Variants in ANTXR1 observed in about 807,000 individuals in gnomAD.
ANTXR1 encodes ANTXR cell adhesion molecule 1, also known as anthrax toxin receptor 1.
A neutral mutation model predicts 78.1 loss-of-function variants in ANTXR1; 19 were observed. The ratio of observed to expected loss-of-function variants is 0.24; its 90% CI spans 0.17 to 0.36. The LOEUF is 0.36. Among genes scored for constraint, ANTXR1 ranks in the 10% least tolerant of loss-of-function variants. ANTXR1 has a pLI of 1.00. For synonymous variants in ANTXR1, 273 were observed against 260.5 expected (o/e 1.05, Z -0.46); for missense variants, 518 against 718.6 (o/e 0.72, Z 3.19).
intron 1 of ANTXR1, among the ~76,000 whole-genome samples, chr2:69,017,909 C>A (rs1021468412): frequency 3.3e-5 from 5 of 152,170 alleles, no homozygotes; most frequent in East Asian, 1.9e-4. Context: ...AGCACCCCCC[C>A]ACCCTCTCTT....
At chr2:69,051,439 TTTTGA>T (rs1239931325) in intron 3 of ANTXR1, among the ~76,000 whole-genome samples, 1 of 152,128 alleles carries the variant, frequency 6.6e-6, no homozygotes, top group East Asian at 1.9e-4. Flanking sequence ...TATTTACTAT[TTTTGA>T]TTTAAGATGA....
chr2:69,069,462 C>A (rs1464513111), intron 3 of ANTXR1, among the ~76,000 whole-genome samples: 1 of 152,186 alleles, frequency 6.6e-6, no homozygotes, highest in Admixed American at 6.5e-5. Context: ...GAGCCTGGCA[C>A]CATAAGTTCT....
intron 16 of ANTXR1, among the ~76,000 whole-genome samples, chr2:69,192,921 T>C (rs1674574490): frequency 7.0e-6 from 1 of 143,290 alleles, no homozygotes; most frequent in Non-Finnish European, 1.5e-5. Context: ...TTAGTAATTT[T>C]CCAGAATTTA....
chr2:69,229,302 G>C (rs1281760487), intron 17 of ANTXR1, among the ~76,000 whole-genome samples: 1 of 152,180 alleles, frequency 6.6e-6, no homozygotes, highest in Non-Finnish European at 1.5e-5. Context: ...AAAAGGTGTT[G>C]ACAGCTACTG....
chr2:69,117,940 C>T (rs1672204554), intron 10 of ANTXR1, among the ~76,000 whole-genome samples: 1 of 152,172 alleles, frequency 6.6e-6, no homozygotes, highest in African/African-American at 2.4e-5. Flanking sequence ...GGGCGTTTAG[C>T]ACTCTGAGAT....
chr2:69,226,559 A>G (rs1273260996), intron 17 of ANTXR1, among the ~76,000 whole-genome samples: 2 of 152,326 alleles, frequency 1.3e-5, no homozygotes, highest in Middle Eastern at 3.4e-3. Flanking sequence ...AAGCAGTGAG[A>G]GGAGGCTGAG....
intron 16 of ANTXR1, among the ~76,000 whole-genome samples, chr2:69,186,869 G>A (rs141999062): frequency 1.3e-5 from 2 of 152,314 alleles, no homozygotes; most frequent in East Asian, 3.9e-4. Context: ...AGGCTTCCAA[G>A]GCATGGAGAA....
rs1676017330 is a variant in ANTXR1, at chr2:69,246,189, AAT to A, written c.*706_*707del. 1.3e-5 allele frequency: 2 copies of A among 152,456 alleles called. No homozygotes were observed. The highest frequency in any genetic ancestry group is 6.5e-5 in the Admixed American group (1 of 15,286). 9.4% of individuals were successfully genotyped at this position (152,456 alleles called of 1,614,324 possible). A position where few individuals can be genotyped will look rare whatever the true frequency, so the allele number is the denominator to read the frequency against. On this transcript the variant is annotated 3_prime_UTR_variant, in exon 18 of 18. Coordinates refer to ENST00000303714, the MANE Select transcript of ANTXR1 (RefSeq NM_032208.3). ...TGTGTAAGTGAAATCAGTTGTGTGC[AAT>A]AGACAGGGGCGTATTCATGGGAGCA...
At chr2:69,223,774 T>C (rs1300709121) in intron 17 of ANTXR1, among the ~76,000 whole-genome samples, 1 of 152,216 alleles carries the variant, frequency 6.6e-6, no homozygotes, top group Non-Finnish European at 1.5e-5. Context: ...AGAGAAAGAA[T>C]ATCAGAAAAT....
chr2:69,070,932 C>T (rs1005170947), intron 4 of ANTXR1, among the ~76,000 whole-genome samples: 5 of 152,198 alleles, frequency 3.3e-5, no homozygotes, highest in Non-Finnish European at 4.4e-5. Context: ...TCTTCCCTGA[C>T]CCTGATGAAT....
chr2:69,201,125 A>C (rs1403441263), intron 17 of ANTXR1, among the ~76,000 whole-genome samples: 3 of 152,210 alleles, frequency 2.0e-5, no homozygotes, highest in Non-Finnish European at 1.5e-5. Context: ...ACAAACAGGA[A>C]GCTCCCAAAC....
At chr2:69,216,323 A>G (rs1675173226) in intron 17 of ANTXR1, among the ~76,000 whole-genome samples, 1 of 152,134 alleles carries the variant, frequency 6.6e-6, no homozygotes, top group Non-Finnish European at 1.5e-5. Flanking sequence ...CTGGTTCTAG[A>G]TAGGTGGTTT....
chr2:69,182,738 A>T, intron 16 of ANTXR1, 78 bp downstream of exon 16: 1 of 1,596,524 alleles, frequency 6.3e-7, no homozygotes, highest in Admixed American at 1.7e-5. Flanking sequence ...ATCTTTCCAC[A>T]TGATAAAATC....
At chr2:69,186,481 G>A (rs146819527) in intron 16 of ANTXR1, among the ~76,000 whole-genome samples, 11 of 152,310 alleles carry the variant, frequency 7.2e-5, no homozygotes, top group Admixed American at 4.6e-4. Flanking sequence ...CGAACTCACC[G>A]TGGTCCTAAT....
chr2:69,172,587 C>A, intron 14 of ANTXR1: 1 of 1,259,148 alleles, frequency 7.9e-7, no homozygotes, highest in Non-Finnish European at 1.0e-6. Context: ...TGAAGACCTT[C>A]AGTATTATTT....
At chr2:69,206,478 C>T (rs1674906754) in intron 17 of ANTXR1, among the ~76,000 whole-genome samples, 1 of 152,202 alleles carries the variant, frequency 6.6e-6, no homozygotes, top group African/African-American at 2.4e-5. Flanking sequence ...TTCTATGCAA[C>T]AAAATTATTT....
At chr2:69,184,766 T>A (rs1027056796) in intron 16 of ANTXR1, among the ~76,000 whole-genome samples, 3 of 152,228 alleles carry the variant, frequency 2.0e-5, no homozygotes, top group African/African-American at 7.2e-5. Flanking sequence ...CAGTGAGTAT[T>A]CATTGTGCAG....
intron 10 of ANTXR1, among the ~76,000 whole-genome samples, chr2:69,118,641 T>C (rs1672234473): frequency 6.6e-6 from 1 of 152,022 alleles, no homozygotes; most frequent in Non-Finnish European, 1.5e-5. Context: ...GCCTCGGCTG[T>C]CCTAGGAGTG....
chr2:69,068,614 C>T (rs1670473031), intron 3 of ANTXR1, among the ~76,000 whole-genome samples: 1 of 152,136 alleles, frequency 6.6e-6, no homozygotes, highest in Admixed American at 6.6e-5. Context: ...GAGGCAAGAG[C>T]CATCTACATA....
Sources: allele counts gnomAD v4.1 joint callset (sites outside exome capture counted in the v4.1 genomes callset), GRCh38; gene constraint gnomAD v4.1.1; transcripts MANE v1.5; gene names NCBI Gene and HGNC (gene_info 2026-07-23, HGNC 2026-07-21).